The following WDR7 variants were observed in gnomAD, a reference collection of about 807,000 sequenced individuals.
WDR7 encodes WD repeat domain 7.
A neutral mutation model predicts 169.4 loss-of-function variants in WDR7; 46 were observed. That is an observed-to-expected ratio of 0.27 (90% CI 0.21 to 0.35). The LOEUF (loss-of-function observed/expected upper bound fraction) is 0.35, where lower values mean the gene tolerates loss of function less well. Among genes scored for constraint, WDR7 ranks in the 10% least tolerant of loss-of-function variants. WDR7 has a pLI of 1.00. For synonymous variants in WDR7, 612 were observed against 666.8 expected (o/e 0.92, Z 1.27); for missense variants, 1,534 against 1,859.3 (o/e 0.83, Z 3.22).
intron 14 of WDR7, among the ~76,000 whole-genome samples, chr18:56,739,803 C>G (rs1034346815): frequency 3.3e-5 from 5 of 151,226 alleles, no homozygotes; most frequent in Admixed American, 1.3e-4. Flanking sequence ...TCCTTTGGAT[C>G]CCCCCATTGC....
At chr18:57,001,464 G>A (rs2047978415) in intron 26 of WDR7, among the ~76,000 whole-genome samples, 1 of 152,064 alleles carries the variant, frequency 6.6e-6, no homozygotes, top group African/African-American at 2.4e-5. Flanking sequence ...TTTCTCAGTG[G>A]ATCCAGGCAG....
Position 57,027,416 on chromosome 18 carries a change from CT to C in WDR7, c.*210del. On this transcript the variant is annotated 3_prime_UTR_variant, in exon 28 of 28. Transcript: ENST00000254442. ...CGATTCAGAGGCACGCACACATGCT[CT>C]GCAGGATGTGGCCATCCTGTCACCA... The C allele has an allele frequency of 1.6e-6, 1 of 606,484 alleles. No individual in the cohort carries two copies. The highest frequency in any genetic ancestry group is 2.8e-6 in the Non-Finnish European group (1 of 354,760). 37.6% of individuals were successfully genotyped at this position (606,484 alleles called of 1,614,324 possible). A position where few individuals can be genotyped will look rare whatever the true frequency, so the allele number is the denominator to read the frequency against.
At chr18:56,758,777 T>C in intron 15 of WDR7, 88 bp from the exon 16 acceptor site, 2 of 966,712 alleles carry the variant, frequency 2.1e-6, no homozygotes, top group Non-Finnish European at 2.9e-6. Flanking sequence ...TTGTGATTCG[T>C]TTAGAAGTAG....
At position 57,024,699 on chromosome 18, in the gene WDR7, A is replaced by G. The variant is rs186937780; in HGVS notation, c.4270-2305A>G. Among the ~76,000 whole-genome samples, 373 of 110,536 alleles carry G rather than the reference A, an allele frequency of 3.4e-3. 4 individuals carry two copies. Among genetic ancestry groups the G allele is most frequent in the East Asian group, 9.7e-3 (36 of 3,720 alleles). 72.5% of individuals were successfully genotyped at this position (110,536 alleles called of 152,430 possible). A position where few individuals can be genotyped will look rare whatever the true frequency, so the allele number is the denominator to read the frequency against. On this transcript the variant is annotated intron_variant, in intron 27 of 27. Coordinates refer to ENST00000254442, the MANE Select transcript of WDR7 (RefSeq NM_015285.3). ...CAGGAATAGGGATATGTGAACTATG[A>G]TAGTTATGTCCCTTACAGGATTTCA...
Position 56,801,045 on chromosome 18 carries a change from A to T in WDR7, c.3191-14986A>T, listed in dbSNP as rs549930639. 2.1e-3 allele frequency among the ~76,000 whole-genome samples: 324 copies of T among 152,298 alleles called. 2 individuals are homozygous for T. Among genetic ancestry groups the T allele is most frequent in the African/African-American group, 7.6e-3 (317 of 41,582 alleles). ...TATGTCTGTATTTGTGTGTGTCTGTATATTAAAGTGGATATGAGTTCATAC... is the reference window on the plus strand; with the variant it reads ...TATGTCTGTATTTGTGTGTGTCTGTTTATTAAAGTGGATATGAGTTCATAC... On this transcript the variant is annotated intron_variant, in intron 19 of 27. Coordinates refer to ENST00000254442, the MANE Select transcript of WDR7 (RefSeq NM_015285.3).
At chr18:56,682,467 T>C (rs564928911) in intron 4 of WDR7, among the ~76,000 whole-genome samples, 59 of 152,336 alleles carry the variant, frequency 3.9e-4, no homozygotes, top group African/African-American at 1.4e-3. Flanking sequence ...AAATAATTTT[T>C]GTTAGCTATT....
intron 26 of WDR7, among the ~76,000 whole-genome samples, chr18:57,012,118 CCTT>C (rs1184039332): frequency 6.6e-6 from 1 of 152,062 alleles, no homozygotes; most frequent in Admixed American, 6.5e-5. Flanking sequence ...CCTTCCTCCT[CCTT>C]AGCCAGTGAA....
chr18:56,830,389 A>G (rs1205141523), intron 20 of WDR7, among the ~76,000 whole-genome samples: 3 of 152,194 alleles, frequency 2.0e-5, no homozygotes, highest in Non-Finnish European at 4.4e-5. Flanking sequence ...ACTACTGTCA[A>G]ACTTGCTCAA....
intron 20 of WDR7, chr18:56,873,397 A>G (rs762389361): frequency 2.6e-5 from 4 of 152,262 alleles, no homozygotes; most frequent in African/African-American, 9.6e-5. Context: ...GTTTGAAAGT[A>G]CACTGTTAAA....
At chr18:56,870,978 G>A (rs1241568300) in intron 20 of WDR7, among the ~76,000 whole-genome samples, 1 of 152,116 alleles carries the variant, frequency 6.6e-6, no homozygotes, top group Non-Finnish European at 1.5e-5. Context: ...GTCAGTGTGT[G>A]CTGATAATGC....
At chr18:56,998,728 G>A (rs2047933670) in intron 26 of WDR7, among the ~76,000 whole-genome samples, 3 of 152,254 alleles carry the variant, frequency 2.0e-5, no homozygotes, top group Non-Finnish European at 4.4e-5. Context: ...ACTAAATTGT[G>A]TACATAGAAT....
chr18:56,995,802 G>A (rs779512717), intron 26 of WDR7, among the ~76,000 whole-genome samples: 19 of 152,272 alleles, frequency 1.2e-4, no homozygotes, highest in South Asian at 6.2e-4. Context: ...GAGTCCCAGC[G>A]TCAGCTCTCT....
chr18:56,932,875 GT>G (rs879637115), intron 22 of WDR7, among the ~76,000 whole-genome samples: 18,081 of 52,276 alleles, frequency 0.35, 3,449 homozygotes, highest in African/African-American at 0.58. Flanking sequence ...TTCATTCTGG[GT>G]GTGTGTGTGT....
chr18:56,712,434 A>T (rs552798260), intron 12 of WDR7, among the ~76,000 whole-genome samples: 37 of 152,346 alleles, frequency 2.4e-4, no homozygotes, highest in African/African-American at 8.7e-4. Flanking sequence ...TTGGCTTAGG[A>T]TGATAATTAT....
intron 21 of WDR7, among the ~76,000 whole-genome samples, chr18:56,881,098 C>G (rs1437433869): frequency 6.6e-6 from 1 of 152,122 alleles, no homozygotes; most frequent in Non-Finnish European, 1.5e-5. Flanking sequence ...TTCACTGGAC[C>G]ATTGCCACAT....
At chr18:56,723,806 A>G (rs2026376201) in intron 13 of WDR7, among the ~76,000 whole-genome samples, 1 of 151,924 alleles carries the variant, frequency 6.6e-6, no homozygotes, top group African/African-American at 2.4e-5. Context: ...TTTTCTTTGG[A>G]GACTCCAATT....
intron 20 of WDR7, 147 bp downstream of exon 20, chr18:56,816,291 G>C: frequency 7.6e-6 from 5 of 654,988 alleles, no homozygotes; most frequent in Non-Finnish European, 2.5e-6. Context: ...AAACTGTTCA[G>C]TGTCCTCTTT....
intron 6 of WDR7, 23 bp downstream of exon 6, chr18:56,686,055 G>T: frequency 1.9e-6 from 3 of 1,567,140 alleles, no homozygotes; most frequent in South Asian, 2.4e-5. Context: ...AAACTGGGGT[G>T]ATTTCTCTGT....
chr18:56,850,956 T>C (rs1337191973), intron 20 of WDR7, among the ~76,000 whole-genome samples: 1 of 152,168 alleles, frequency 6.6e-6, no homozygotes, highest in Non-Finnish European at 1.5e-5. Context: ...CCAAATCTAG[T>C]TTATTGTCAT....
Sources: gnomAD v4.1 joint callset for allele counts (sites outside exome capture counted in the v4.1 genomes callset) on GRCh38, gnomAD v4.1.1 for gene constraint, MANE v1.5 for transcripts, NCBI Gene and HGNC (gene_info 2026-07-23, HGNC 2026-07-21) for gene names.